Variants in MITF observed in about 807,000 individuals in gnomAD.
MITF encodes melanocyte inducing transcription factor, also known as microphthalmia-associated transcription factor.
MITF carries 17 observed loss-of-function variants against 60.5 expected under a neutral mutation model. The ratio of observed to expected loss-of-function variants is 0.28; its 90% CI spans 0.19 to 0.42. MITF has a LOEUF of 0.42. MITF is among the 10% of genes least tolerant of loss of function. The probability of loss-of-function intolerance (pLI) is 1.00; values close to 1 mark genes in which losing one functional copy is unlikely to be tolerated. For missense variants in MITF, 622 were observed against 683.5 expected (o/e 0.91, Z 1.00); for synonymous variants, 260 against 248.5 (o/e 1.05, Z -0.43).
chr3:69,742,188 C>T (rs1703550122), intron 1 of MITF, among the ~76,000 whole-genome samples: 1 of 146,384 alleles, frequency 6.8e-6, no homozygotes, highest in Admixed American at 6.9e-5. Flanking sequence ...AACTGGTTCT[C>T]AGTTGGAGGT....
At chr3:69,850,706 C>A (rs568523758) in intron 1 of MITF, among the ~76,000 whole-genome samples, 7 of 152,280 alleles carry the variant, frequency 4.6e-5, no homozygotes, top group African/African-American at 1.4e-4. Context: ...TTGGGCATTT[C>A]CATTCCCTGT....
chr3:69,856,625 CCATGT>C (rs2063923337), intron 1 of MITF, among the ~76,000 whole-genome samples: 1 of 152,166 alleles, frequency 6.6e-6, no homozygotes, highest in African/African-American at 2.4e-5. Context: ...TCAAGATTTA[CCATGT>C]TTCTCAAAGG....
intron 1 of MITF, among the ~76,000 whole-genome samples, chr3:69,747,560 G>A (rs1214746868): frequency 6.6e-6 from 1 of 152,216 alleles, no homozygotes; most frequent in Non-Finnish European, 1.5e-5. Context: ...TAGGCTTGAG[G>A]CTTAGTAGGT....
chr3:69,802,709 T>C (rs1226334583), intron 1 of MITF, among the ~76,000 whole-genome samples: 5 of 94,862 alleles, frequency 5.3e-5, no homozygotes, highest in Admixed American at 4.1e-4. Flanking sequence ...TTTTTTTTTT[T>C]AGAGGATGTT....
chr3:69,932,381 T>C (rs2065743378), intron 2 of MITF, among the ~76,000 whole-genome samples: 1 of 152,228 alleles, frequency 6.6e-6, no homozygotes, highest in Admixed American at 6.5e-5. Context: ...TATTCTTCTT[T>C]TCATTTTTTT....
At chr3:69,890,487 C>A (rs765233190) in intron 2 of MITF, among the ~76,000 whole-genome samples, 16 of 152,042 alleles carry the variant, frequency 1.1e-4, no homozygotes, top group Non-Finnish European at 1.9e-4. Context: ...CATTAGGGGA[C>A]AAGGAGATTA....
intron 1 of MITF, among the ~76,000 whole-genome samples, chr3:69,830,171 C>T (rs1203683291): frequency 6.6e-6 from 1 of 152,104 alleles, no homozygotes; most frequent in East Asian, 1.9e-4. Context: ...CAGGTTCTAT[C>T]GGTGGTTCAT....
At position 69,968,225 on chromosome 3, in the gene MITF, A is replaced by G. The variant is rs2066738390; in HGVS notation, c.*2977A>G. ...TAGTCACCTGCTGTTGGATGCAGCA[A>G]TAATTTCTGTATGGTCCATAGCACT... On this transcript the variant is annotated 3_prime_UTR_variant, in exon 10 of 10. Transcript: ENST00000352241. 1 of 232,590 alleles carries G rather than the reference A, an allele frequency of 4.3e-6. No homozygotes were observed. The highest frequency in any genetic ancestry group is 8.5e-6 in the Non-Finnish European group (1 of 117,434). The allele number at this position is 232,590 out of a possible 1,614,324, so 14.4% of individuals were successfully genotyped here. A position where few individuals can be genotyped will look rare whatever the true frequency, so the allele number is the denominator to read the frequency against.
intron 2 of MITF, among the ~76,000 whole-genome samples, chr3:69,920,436 C>T (rs1056869859): frequency 8.5e-5 from 13 of 152,156 alleles, no homozygotes; most frequent in African/African-American, 1.4e-4. Context: ...TGCTGTGCTT[C>T]GGTGGTCACA....
chr3:69,939,240 G>T, intron 4 of MITF, 59 bp downstream of exon 4: 1 of 1,468,956 alleles, frequency 6.8e-7, no homozygotes, highest in East Asian at 2.3e-5. Flanking sequence ...CTATATTTGT[G>T]GTGGATCACA....
At chr3:69,905,240 G>T (rs1490382938) in intron 2 of MITF, among the ~76,000 whole-genome samples, 1 of 152,110 alleles carries the variant, frequency 6.6e-6, no homozygotes, top group Admixed American at 6.5e-5. Context: ...GTAGTTTCTT[G>T]GGAGAGAGGC....
chr3:69,957,182 T>C (rs2066419948), intron 8 of MITF, among the ~76,000 whole-genome samples: 3 of 152,158 alleles, frequency 2.0e-5, no homozygotes, highest in Non-Finnish European at 4.4e-5. Context: ...TACCAGCCTA[T>C]AGTTACCTGC....
At chr3:69,815,418 C>A (rs1234942087) in intron 1 of MITF, among the ~76,000 whole-genome samples, 1 of 152,142 alleles carries the variant, frequency 6.6e-6, no homozygotes, top group Non-Finnish European at 1.5e-5. Flanking sequence ...TCCTTCTCCC[C>A]CTCAGCCTAC....
intron 1 of MITF, among the ~76,000 whole-genome samples, chr3:69,878,430 A>G (rs2064403402): frequency 6.6e-6 from 1 of 152,174 alleles, no homozygotes; most frequent in African/African-American, 2.4e-5. Flanking sequence ...CAGAGAACAC[A>G]TTGTAACATA....
chr3:69,909,200 C>A (rs2065168646), intron 2 of MITF, among the ~76,000 whole-genome samples: 1 of 152,138 alleles, frequency 6.6e-6, no homozygotes, highest in Admixed American at 6.6e-5. Flanking sequence ...CTCACGAGAT[C>A]TGATGGGTTT....
chr3:69,749,752 C>T (rs1248395090), intron 1 of MITF, among the ~76,000 whole-genome samples: 1 of 152,194 alleles, frequency 6.6e-6, no homozygotes, highest in Non-Finnish European at 1.5e-5. Context: ...TGTAAGAGGT[C>T]GGCCACTGGC....
At chr3:69,836,369 T>C (rs2107121301) in intron 1 of MITF, among the ~76,000 whole-genome samples, 1 of 152,330 alleles carries the variant, frequency 6.6e-6, no homozygotes, top group Admixed American at 6.5e-5. Flanking sequence ...TATAAGTATA[T>C]GCCAAATGTA....
intron 1 of MITF, among the ~76,000 whole-genome samples, chr3:69,837,160 A>G (rs920727766): frequency 1.3e-5 from 2 of 152,202 alleles, no homozygotes; most frequent in African/African-American, 4.8e-5. Context: ...CATGCTAGCT[A>G]CAAGAGAGTC....
intron 5 of MITF, among the ~76,000 whole-genome samples, chr3:69,946,945 A>G (rs1301689597): frequency 6.6e-6 from 1 of 151,970 alleles, no homozygotes; most frequent in African/African-American, 2.4e-5. Context: ...CTCGCTGTCT[A>G]TGGCAGAAAG....
Sources: gnomAD v4.1 joint callset for allele counts (sites outside exome capture counted in the v4.1 genomes callset) on GRCh38, gnomAD v4.1.1 for gene constraint, MANE v1.5 for transcripts, NCBI Gene and HGNC (gene_info 2026-07-23, HGNC 2026-07-21) for gene names.